Variants in ITPA observed in about 807,000 individuals in gnomAD.
ITPA encodes inosine triphosphatase, also known as inosine triphosphate pyrophosphatase.
Under a neutral mutation model 29.6 loss-of-function variants are expected in ITPA, and 29 were observed. The observed-to-expected ratio is 0.98, with a 90% CI of 0.73 to 1.34. The LOEUF (loss-of-function observed/expected upper bound fraction) is 1.34, where lower values mean the gene tolerates loss of function less well. Among genes scored for constraint, ITPA ranks in the 40% most tolerant of loss-of-function variants. The pLI, the probability that ITPA is intolerant of heterozygous loss-of-function variation, is 0.00. For synonymous variants in ITPA, 103 were observed against 99.3 expected, an observed-to-expected ratio of 1.04 and a Z score of -0.22; for missense variants, 241 against 251.5, an observed-to-expected ratio of 0.96 and a Z score of 0.28.
downstream of ITPA, among the ~76,000 whole-genome samples, chr20:3,226,886 A>G (rs893541102): frequency 6.6e-6 from 1 of 152,122 alleles, no homozygotes; most frequent in African/African-American, 2.4e-5. The surrounding 1 kb of genome is among the most constrained non-coding windows in gnomAD (Gnocchi z 4.4). Flanking sequence ...AGCAAGCCAG[A>G]AACACTGCAC....
chr20:3,226,551 G>C (rs2067556680), downstream of ITPA, among the ~76,000 whole-genome samples: 5 of 152,198 alleles, frequency 3.3e-5, no homozygotes, highest in South Asian at 1.0e-3. This position sits in a 1 kb window ranked among gnomAD's most constrained non-coding sequence, Gnocchi z 4.4. Context: ...CAAGGGGTCT[G>C]AGCACCTCTC....
chr20:3,218,658 C>T (rs1392209560), intron 6 of ITPA, 26 bp downstream of exon 6: 1 of 1,560,246 alleles, frequency 6.4e-7, no homozygotes, highest in Non-Finnish European at 8.8e-7. Context: ...GATGCAGTTC[C>T]CGCCGCGCGC....
At chr20:3,206,967 C>T (rs1362038304), upstream of ITPA, among the ~76,000 whole-genome samples, 1 of 151,676 alleles carries the variant, frequency 6.6e-6, no homozygotes, top group Non-Finnish European at 1.5e-5. Flanking sequence ...TGAGCCGGGA[C>T]CACACCACTG....
chr20:3,216,690 G>A lies in ITPA; in HGVS notation c.295+1378G>A, dbSNP rs1439209698. On this transcript the variant is annotated intron_variant, in intron 5 of 7. Coordinates refer to ENST00000380113, the MANE Select transcript of ITPA (RefSeq NM_033453.4). ...TGGTCTCGAACTCCTGACCTCAGGCGATCCACCCATCGCAGCCTCCCAAAG... is the reference window on the plus strand; with the variant it reads ...TGGTCTCGAACTCCTGACCTCAGGCAATCCACCCATCGCAGCCTCCCAAAG... Among the ~76,000 whole-genome samples the A allele has an allele frequency of 3.3e-5, 5 of 152,172 alleles. No individual in the cohort carries two copies. In the East Asian group the frequency reaches 5.8e-4, roughly 18 times the overall value.
At position 3,222,502 on chromosome 20, in the gene ITPA, C is replaced by G. The variant is rs558620313; in HGVS notation, c.488+585C>G. Among the ~76,000 whole-genome samples, 68 of 152,354 alleles carry G rather than the reference C, an allele frequency of 4.5e-4. 1 individual carries two copies. Among genetic ancestry groups the G allele is most frequent in the Non-Finnish European group, 5.9e-4 (40 of 68,046 alleles). Reference sequence around the variant, plus strand: ...GGGATTACAGGCGTGAGCCACCGCGCCTGGCCACATCTGACAGTTTTATGG... The same window carrying G: ...GGGATTACAGGCGTGAGCCACCGCGGCTGGCCACATCTGACAGTTTTATGG... On this transcript the variant is annotated intron_variant, in intron 7 of 7. Coordinates refer to ENST00000380113, the MANE Select transcript of ITPA (RefSeq NM_033453.4).
At chr20:3,212,331 T>G (rs1306238474) in intron 1 of ITPA, among the ~76,000 whole-genome samples, 2 of 152,094 alleles carry the variant, frequency 1.3e-5, no homozygotes, top group Non-Finnish European at 2.9e-5. Context: ...AATTTTTTTT[T>G]TTTTTTGAGA....
intron 4 of ITPA, among the ~76,000 whole-genome samples, chr20:3,214,968 G>C (rs570811188): frequency 2.6e-4 from 40 of 152,174 alleles, no homozygotes; most frequent in Non-Finnish European, 5.0e-4. Flanking sequence ...CACTCCCTGG[G>C]CTCAAGCTAT....
At chr20:3,204,370 G>A (rs1454904575), upstream of ITPA, among the ~76,000 whole-genome samples, 1 of 152,166 alleles carries the variant, frequency 6.6e-6, no homozygotes, top group Admixed American at 6.5e-5. Flanking sequence ...ACCGATTCCA[G>A]GTAGGGCACT....
chr20:3,210,116 C>G (rs747693523), intron 1 of ITPA, among the ~76,000 whole-genome samples: 1 of 152,212 alleles, frequency 6.6e-6, no homozygotes, highest in Non-Finnish European at 1.5e-5. Context: ...TGATGCAGGA[C>G]ATTTGCTTCA....
Position 3,223,542 on chromosome 20 carries a change from C to T in ITPA, c.*80C>T. On this transcript the variant is annotated 3_prime_UTR_variant, in exon 8 of 8. Coordinates refer to ENST00000380113, the MANE Select transcript of ITPA (RefSeq NM_033453.4). ...AAACCTCCCGCATCGGGCAGGCACC[C>T]CCTGAAGTACTTCCTTCAGGGTTTC... is the stretch of plus-strand genomic sequence containing the variant. 4.8e-6 allele frequency: 5 copies of T among 1,044,400 alleles called. No individual in the cohort carries two copies. The highest frequency in any genetic ancestry group is 2.0e-5 in the Admixed American group (1 of 51,020). The allele number at this position is 1,044,400 out of a possible 1,614,324, so 64.7% of individuals were successfully genotyped here. A position where few individuals can be genotyped will look rare whatever the true frequency, so the allele number is the denominator to read the frequency against.
chr20:3,226,132 A>C (rs2067551929), downstream of ITPA, among the ~76,000 whole-genome samples: 1 of 152,224 alleles, frequency 6.6e-6, no homozygotes, highest in African/African-American at 2.4e-5. This position sits in a 1 kb window ranked among gnomAD's most constrained non-coding sequence, Gnocchi z 4.4. Context: ...CCCCAAGTTG[A>C]AGACAGTGTG....
chr20:3,213,943 T>C lies in ITPA; in HGVS notation c.190-42T>C, dbSNP rs548957986. 29 of 1,604,694 alleles carry C rather than the reference T, an allele frequency of 1.8e-5. 1 individual carries two copies. The South Asian group carries it at 3.1e-4, about 17-fold the overall frequency. On this transcript the variant is annotated intron_variant, in intron 3 of 7. Coordinates refer to ENST00000380113, the MANE Select transcript of ITPA (RefSeq NM_033453.4). ...GTGACCTGGACGTTCCAGGTGGGGA[T>C]GGTGATCATGGGTCTCAGGGCTGTA...
upstream of ITPA, chr20:3,204,457 G>T: frequency 7.0e-7 from 1 of 1,424,896 alleles, no homozygotes; most frequent in Non-Finnish European, 9.5e-7. Flanking sequence ...ACGCGCAGGA[G>T]CCGCGGCGCG....
chr20:3,207,861 G>T (rs572650015), upstream of ITPA, among the ~76,000 whole-genome samples: 35 of 151,812 alleles, frequency 2.3e-4, no homozygotes, highest in South Asian at 1.0e-3. Flanking sequence ...TGGGCGTCGT[G>T]GGGGGTGCTT....
chr20:3,216,908 C>A (rs562397800), intron 5 of ITPA, among the ~76,000 whole-genome samples: 1 of 151,464 alleles, frequency 6.6e-6, no homozygotes, highest in Admixed American at 6.6e-5. Flanking sequence ...TGAGACAGAA[C>A]CTCACTCCAT....
chr20:3,224,973 G>A (rs2067540325), downstream of ITPA, among the ~76,000 whole-genome samples: 1 of 152,232 alleles, frequency 6.6e-6, no homozygotes, highest in Non-Finnish European at 1.5e-5. Flanking sequence ...GGAAGGCCAA[G>A]GTGGGAGGAT....
upstream of ITPA, chr20:3,204,458 C>T: frequency 7.0e-7 from 1 of 1,427,406 alleles, no homozygotes; most frequent in Non-Finnish European, 9.4e-7. Context: ...CGCGCAGGAG[C>T]CGCGGCGCGA....
downstream of ITPA, among the ~76,000 whole-genome samples, chr20:3,224,859 CACA>C (rs944436612): frequency 2.2e-4 from 33 of 152,160 alleles, no homozygotes; most frequent in African/African-American, 7.5e-4. Flanking sequence ...CCTGGGTGCA[CACA>C]ACACTTTCTG....
rs6107258 is a variant in ITPA at position 3,221,990 on chromosome 20, G to A, written c.488+73G>A. 0.15 allele frequency: 211,307 copies of A among 1,411,646 alleles called. 16,613 individuals are homozygous for A. The highest frequency in any genetic ancestry group is 0.21 in the African/African-American group (15,005 of 71,182). The allele number at this position is 1,411,646 out of a possible 1,614,324, so 87.4% of individuals were successfully genotyped here. On this transcript the variant is annotated intron_variant, in intron 7 of 7. Coordinates refer to ENST00000380113, the MANE Select transcript of ITPA (RefSeq NM_033453.4). Reference sequence around the variant, plus strand: ...ATGGTTTGGGTTGGGCCAGTGCCCCGCCCAAGTGCAGGCATGCGGATATGG... The same window carrying A: ...ATGGTTTGGGTTGGGCCAGTGCCCCACCCAAGTGCAGGCATGCGGATATGG...
Sources: gnomAD v4.1 joint callset for allele counts (sites outside exome capture counted in the v4.1 genomes callset) on GRCh38, gnomAD v4.1.1 for gene constraint, Gnocchi (gnomAD v3.1) non-coding constraint, MANE v1.5 for transcripts, NCBI Gene and HGNC (gene_info 2026-07-23, HGNC 2026-07-21) for gene names.